PLXNA4: variants seen among roughly 807,000 people sequenced by gnomAD.
The protein encoded by PLXNA4 is plexin-A4.
Under a neutral mutation model 191.8 loss-of-function variants are expected in PLXNA4, and 44 were observed. The ratio of observed to expected loss-of-function variants is 0.23; its 90% CI spans 0.18 to 0.29. The LOEUF (loss-of-function observed/expected upper bound fraction) is 0.29, where lower values mean the gene tolerates loss of function less well. PLXNA4 is among the 10% of genes least tolerant of loss of function. The probability of loss-of-function intolerance (pLI) is 1.00; values close to 1 mark genes in which losing one functional copy is unlikely to be tolerated. For synonymous variants in PLXNA4, 1,082 were observed against 1,009.5 expected, an observed-to-expected ratio of 1.07 and a Z score of -1.36; for missense variants, 1,800 against 2,488.8, an observed-to-expected ratio of 0.72 and a Z score of 5.89.
intron 2 of PLXNA4, among the ~76,000 whole-genome samples, chr7:132,594,716 G>C (rs180768024): frequency 1.8e-4 from 27 of 152,226 alleles, no homozygotes; most frequent in Non-Finnish European, 2.8e-4. Context: ...TGTATGGGGG[G>C]ACATTTTCTT....
At position 132,256,427 on chromosome 7, in the gene PLXNA4, G is replaced by T. The variant is rs554068559; in HGVS notation, c.1504-15261C>A. Among the ~76,000 whole-genome samples the T allele has an allele frequency of 7.2e-5, 11 of 152,312 alleles. No individual in the cohort carries two copies. In the South Asian group the frequency reaches 2.3e-3, roughly 32 times the overall value. The stretch of plus-strand genomic sequence containing the variant: ...CAGGGTCTGGGGCAGAGTGGGGCTG[G>T]TTTGGGTTGTGTGCCTCCCCAGGCA... On this transcript the variant is annotated intron_variant, in intron 4 of 31. Transcript: ENST00000321063.
In PLXNA4 at chr7:132,337,339, T is replaced by C. The variant is rs147438611; in HGVS notation, c.1372-39117A>G. Among the ~76,000 whole-genome samples the C allele has an allele frequency of 3.4e-3, 522 of 152,332 alleles. 2 individuals carry two copies. The highest frequency in any genetic ancestry group is 0.012 in the African/African-American group (506 of 41,582). ...TACACACTTCCCATGTCCACACATGTCCCCTGGCTGTGGAAGCACATCAAA... is the reference window on the plus strand; with the variant it reads ...TACACACTTCCCATGTCCACACATGCCCCCTGGCTGTGGAAGCACATCAAA... On this transcript the variant is annotated intron_variant, in intron 3 of 31. Transcript: ENST00000321063.
chr7:132,538,957 T>A lies in PLXNA4; in HGVS notation c.-86-30178A>T, dbSNP rs78743213. Among the ~76,000 whole-genome samples the A allele has an allele frequency of 2.0e-5, 3 of 152,192 alleles. No homozygotes were observed. The East Asian group carries it at 5.8e-4, about 29-fold the overall frequency. ...ACAGAAAACACAAACACAGTAGAAA[T>A]AATTAAAGCTCCTGAATACAGGTTT... is the stretch of plus-strand genomic sequence containing the variant. On this transcript the variant is annotated intron_variant, in intron 1 of 31. Transcript: ENST00000321063.
chr7:132,410,773 G>A (rs1331981525), intron 3 of PLXNA4, among the ~76,000 whole-genome samples: 2 of 152,200 alleles, frequency 1.3e-5, no homozygotes, highest in Admixed American at 1.3e-4. Context: ...ATCAGGAGGT[G>A]TGGAAGGTGC....
chr7:132,283,768 A>T (rs1020933725), intron 4 of PLXNA4, among the ~76,000 whole-genome samples: 3 of 152,246 alleles, frequency 2.0e-5, no homozygotes, highest in Non-Finnish European at 4.4e-5. Context: ...TCTGTGGCCA[A>T]ATGACTTTGA....
chr7:132,179,790 G>A lies in PLXNA4; in HGVS notation c.3771C>T (p.Leu1257=). The change falls in exon 20 of 32, where the codon CTC becomes CTT. Residue 1257 remains leucine, a synonymous_variant. Coordinates refer to ENST00000321063, the MANE Select transcript of PLXNA4 (RefSeq NM_020911.2). Reference sequence around the variant, plus strand: ...CGCGGGACTTGCGTTTATAGGCAATGAGCACGGCCACGATGAAAATGATGA... The same window carrying A: ...CGCGGGACTTGCGTTTATAGGCAATAAGCACGGCCACGATGAAAATGATGA... The part of the protein sequence containing the change: ...GLLIIFIVAV[L]IAYKRKSRES... 6.2e-7 allele frequency: 1 copy of A among 1,613,924 alleles called. No individual in the cohort carries two copies. The highest frequency in any genetic ancestry group is 8.5e-7 in the Non-Finnish European group (1 of 1,180,032).
intron 2 of PLXNA4, among the ~76,000 whole-genome samples, chr7:132,605,232 A>G (rs2116845547): frequency 6.6e-6 from 1 of 152,350 alleles, no homozygotes; most frequent in Non-Finnish European, 1.5e-5. Context: ...CTAAGATCCA[A>G]ATCCATGCGG....
rs192855926 is a variant in PLXNA4 at position 132,180,714 on chromosome 7, G to A, written c.3511C>T (p.Pro1171Ser). 2.8e-3 allele frequency: 4,472 copies of A among 1,614,144 alleles called. 10 individuals carry two copies. The highest frequency in any genetic ancestry group is 3.3e-3 in the Non-Finnish European group (3,912 of 1,180,004). ...AGCTTCACGTTGCCCCCAGCCACAG[G>A]CGGGATCAGGTTCTTGCCCTGTACA... The part of the protein sequence containing the change: ...IILKGKNLIP[P>S]VAGGNVKLNY... The change falls in exon 19 of 32, where the codon CCT becomes TCT. Residue 1171 changes from proline to serine, a missense_variant. By Grantham distance (74) the Pro-to-Ser change is moderately conservative. Transcript: ENST00000321063.
intron 4 of PLXNA4, among the ~76,000 whole-genome samples, chr7:132,297,858 T>C (rs1801148467): frequency 6.6e-6 from 1 of 152,334 alleles, no homozygotes; most frequent in East Asian, 1.9e-4. Flanking sequence ...TTGAAATTAG[T>C]GGATTTGTTT....
rs111716110 is a variant in PLXNA4 at position 132,576,370 on chromosome 7, T to C, written c.-87+52A>G. 0.017 allele frequency: 16,441 copies of C among 985,314 alleles called. 452 individuals are homozygous for C. The highest frequency in any genetic ancestry group is 0.1 in the African/African-American group (5,985 of 57,164). The allele number at this position is 985,314 out of a possible 1,614,324, so 61.0% of individuals were successfully genotyped here. On this transcript the variant is annotated intron_variant, in intron 1 of 31. Coordinates refer to ENST00000321063, the MANE Select transcript of PLXNA4 (RefSeq NM_020911.2). This position sits in a 1 kb window ranked among gnomAD's most constrained non-coding sequence, Gnocchi z 5.8. The stretch of plus-strand genomic sequence containing the variant: ...GGGTCGGCCCAGGTCTGTCCGACCT[T>C]GCTGCCCTCGCCGCCCGCCCGGCCC...
At chr7:132,511,109 C>CT (rs1798696702) in intron 1 of PLXNA4, among the ~76,000 whole-genome samples, 1 of 152,176 alleles carries the variant, frequency 6.6e-6, no homozygotes, top group South Asian at 2.1e-4. Context: ...ACATTCACAG[C>CT]TGCACATATA....
At chr7:132,398,989 C>T (rs1284656648) in intron 3 of PLXNA4, among the ~76,000 whole-genome samples, 3 of 152,112 alleles carry the variant, frequency 2.0e-5, no homozygotes, top group Non-Finnish European at 4.4e-5. Context: ...CTGGCCCTGG[C>T]ACCAGGTTTT....
At position 132,497,876 on chromosome 7, in the gene PLXNA4, G is replaced by A. The variant is rs372579608; in HGVS notation, c.1189-8402C>T. ...TCATCTCAGAATGATTCTTTCGGGT[G>A]TCTTTTTCAATGAGATTGTAGGGAA... On this transcript the variant is annotated intron_variant, in intron 2 of 31. Coordinates refer to ENST00000321063, the MANE Select transcript of PLXNA4 (RefSeq NM_020911.2). Among the ~76,000 whole-genome samples, 5 of 152,308 alleles carry A rather than the reference G, an allele frequency of 3.3e-5. No homozygotes were observed. The East Asian group carries it at 7.7e-4, about 24-fold the overall frequency.
intron 2 of PLXNA4, among the ~76,000 whole-genome samples, chr7:132,615,142 C>A (rs912009937): frequency 6.6e-6 from 1 of 151,942 alleles, no homozygotes; most frequent in Non-Finnish European, 1.5e-5. Flanking sequence ...ACCTAGGGAC[C>A]CGGCACAGGG....
chr7:132,329,059 C>A (rs1802486356), intron 3 of PLXNA4, among the ~76,000 whole-genome samples: 1 of 152,226 alleles, frequency 6.6e-6, no homozygotes, highest in Non-Finnish European at 1.5e-5. Flanking sequence ...TCCAGACCTA[C>A]TGGATCAGAC....
chr7:132,539,815 C>A (rs574221351), intron 1 of PLXNA4, among the ~76,000 whole-genome samples: 1 of 152,332 alleles, frequency 6.6e-6, no homozygotes. Context: ...GATCACTAGG[C>A]AACTATCAAG....
rs1432838450 is a variant in PLXNA4 at position 132,187,571 on chromosome 7, G to T, written c.2893C>A (p.Pro965Thr). ...TLSDLKPSRGPMSGGTQVTIT... is the reference protein window; with the variant it reads ...TLSDLKPSRGTMSGGTQVTIT... Reference sequence around the variant, plus strand: ...GTCACTTGGGTCCCTCCGGACATGGGCCCCCGGCTGGGCTTCAGATCTGAG... The same window carrying T: ...GTCACTTGGGTCCCTCCGGACATGGTCCCCCGGCTGGGCTTCAGATCTGAG... Residue 965 changes from proline to threonine, a missense_variant, in exon 15 of 32, where the codon CCC (proline) becomes ACC (threonine). This residue lies in a region of PLXNA4 where 1,397 missense variants were observed against 1,880.4 expected (regional missense o/e 0.74). Coordinates refer to ENST00000321063, the MANE Select transcript of PLXNA4 (RefSeq NM_020911.2). The T allele has an allele frequency of 6.2e-7, 1 of 1,613,650 alleles. No homozygotes were observed. The highest frequency in any genetic ancestry group is 8.5e-7 in the Non-Finnish European group (1 of 1,179,818).
chr7:132,633,951 ATGCACCACAC>A (rs1378021886), intron 2 of PLXNA4, among the ~76,000 whole-genome samples: 1 of 151,668 alleles, frequency 6.6e-6, no homozygotes, highest in Non-Finnish European at 1.5e-5. Context: ...ACACACGCAC[ATGCACCACAC>A]TGCACCACAC....
chr7:132,364,370 C>T (rs1486269605), intron 3 of PLXNA4, among the ~76,000 whole-genome samples: 3 of 152,180 alleles, frequency 2.0e-5, no homozygotes, highest in African/African-American at 4.8e-5. Flanking sequence ...TGGCAGCTGG[C>T]GAGATCAGAG....
Sources: gnomAD v4.1 joint callset for allele counts (sites outside exome capture counted in the v4.1 genomes callset) on GRCh38, gnomAD v4.1.1 for gene constraint, gnomAD v4.1.1 regional missense constraint, Gnocchi (gnomAD v3.1) non-coding constraint, MANE v1.5 for transcripts, NCBI Gene and HGNC (gene_info 2026-07-23, HGNC 2026-07-21) for gene names.